ZBTB7C: variants seen among roughly 807,000 people sequenced by gnomAD.
ZBTB7C encodes the protein zinc finger and BTB domain-containing protein 7C.
In ZBTB7C, 8 loss-of-function variants were observed where a neutral mutation model predicts 25.7. The observed-to-expected ratio is 0.31, with a 90% CI of 0.18 to 0.56. The LOEUF (loss-of-function observed/expected upper bound fraction) is 0.56, where lower values mean the gene tolerates loss of function less well. ZBTB7C is among the 20% of genes least tolerant of loss of function. The pLI, the probability that ZBTB7C is intolerant of heterozygous loss-of-function variation, is 0.91. For missense variants in ZBTB7C, 824 were observed against 855.2 expected, an observed-to-expected ratio of 0.96 and a Z score of 0.46; for synonymous variants, 394 against 369.0, an observed-to-expected ratio of 1.07 and a Z score of -0.78.
intron 3 of ZBTB7C, among the ~76,000 whole-genome samples, chr18:48,066,352 G>C (rs1249816062): frequency 6.6e-6 from 1 of 152,218 alleles, no homozygotes; most frequent in African/African-American, 2.4e-5. Flanking sequence ...CCAAGCCCTG[G>C]GGGGGCGGAG....
At chr18:48,386,930 A>G (rs2047762169) in intron 1 of ZBTB7C, among the ~76,000 whole-genome samples, 1 of 152,100 alleles carries the variant, frequency 6.6e-6, no homozygotes, top group African/African-American at 2.4e-5. Context: ...GCATGCAGCT[A>G]CTCTGTTGTC....
At chr18:48,066,048 G>A (rs890320822) in intron 3 of ZBTB7C, among the ~76,000 whole-genome samples, 3 of 152,224 alleles carry the variant, frequency 2.0e-5, no homozygotes, top group Non-Finnish European at 4.4e-5. Flanking sequence ...CCCATTTGGA[G>A]GTCTTCTGTC....
chr18:48,386,747 T>C (rs2047758139), intron 1 of ZBTB7C, among the ~76,000 whole-genome samples: 1 of 152,212 alleles, frequency 6.6e-6, no homozygotes, highest in African/African-American at 2.4e-5. Context: ...CAACCTAAGA[T>C]AATTGAAAGG....
chr18:48,135,453 C>A (rs538440538), intron 3 of ZBTB7C, among the ~76,000 whole-genome samples: 1 of 152,156 alleles, frequency 6.6e-6, no homozygotes. Flanking sequence ...ATGTATTTAA[C>A]CCATTTGGGC....
In ZBTB7C at chr18:48,312,455, G is replaced by A. The variant is rs112231557; in HGVS notation, c.-79+25719C>T. On this transcript the variant is annotated intron_variant, in intron 2 of 4. Coordinates refer to ENST00000590800, the MANE Select transcript of ZBTB7C (RefSeq NM_001318841.2). ...ATCCAAGTAAAGACTCTTCTGTCATGGTTTTATGCTCATTGGCTCTTAATT... is the reference window on the plus strand; with the variant it reads ...ATCCAAGTAAAGACTCTTCTGTCATAGTTTTATGCTCATTGGCTCTTAATT... 1.8e-4 allele frequency among the ~76,000 whole-genome samples: 28 copies of A among 152,264 alleles called. 1 individual carries two copies. Among genetic ancestry groups the A allele is most frequent in the African/African-American group, 6.7e-4 (28 of 41,550 alleles).
chr18:48,040,320 T>G lies in ZBTB7C; in HGVS notation c.788A>C (p.Asp263Ala), dbSNP rs1202356042. 6.3e-7 allele frequency: 1 copy of G among 1,589,000 alleles called. No individual in the cohort carries two copies. ...PDFFPHLWPG[D>A]FGAFAQLPEQ... ...AGGCAGCTGGGCAAAGGCACCGAAG[T>G]CCCCTGGCCAGAGGTGTGGAAAGAA... The change falls in exon 4 of 5, where the codon GAC (aspartate) becomes GCC (alanine). Residue 263 changes from aspartate to alanine, a missense_variant. Physicochemically the swap from Asp to Ala is moderately radical, Grantham distance 126 (BLOSUM62 -2). Around this residue, in one of 4 missense-constraint regions of ZBTB7C, gnomAD observed 316 missense variants for 299.2 expected, o/e 1.06. Transcript: ENST00000590800.
At chr18:48,066,127 T>C (rs2037319778) in intron 3 of ZBTB7C, among the ~76,000 whole-genome samples, 1 of 152,238 alleles carries the variant, frequency 6.6e-6, no homozygotes, top group Admixed American at 6.5e-5. Context: ...TCGGCTTCCA[T>C]GCTGTTCATC....
chr18:48,353,544 T>C (rs566326184), intron 1 of ZBTB7C, among the ~76,000 whole-genome samples: 11 of 152,196 alleles, frequency 7.2e-5, no homozygotes, highest in African/African-American at 9.6e-5. Context: ...GCTCAGCCTC[T>C]TATCCATTGT....
chr18:48,070,740 T>C (rs1598821448), intron 3 of ZBTB7C, among the ~76,000 whole-genome samples: 1 of 152,178 alleles, frequency 6.6e-6, no homozygotes, highest in Non-Finnish European at 1.5e-5. Flanking sequence ...AGTGCAAACA[T>C]GCCATTCTTT....
At chr18:48,177,057 A>G (rs1246352837) in intron 3 of ZBTB7C, among the ~76,000 whole-genome samples, 1 of 152,270 alleles carries the variant, frequency 6.6e-6, no homozygotes, top group Non-Finnish European at 1.5e-5. Context: ...CTGGACATCT[A>G]CGGGAACTAT....
intron 2 of ZBTB7C, among the ~76,000 whole-genome samples, chr18:48,246,502 A>G (rs1158938547): frequency 6.6e-6 from 1 of 151,782 alleles, no homozygotes; most frequent in African/African-American, 2.4e-5. Flanking sequence ...ATAATTGTAT[A>G]CACCTGTTAC....
At chr18:48,139,715 C>A (rs570935658) in intron 3 of ZBTB7C, among the ~76,000 whole-genome samples, 1 of 152,138 alleles carries the variant, frequency 6.6e-6, no homozygotes, top group East Asian at 1.9e-4. Flanking sequence ...ACCCCTCCAG[C>A]CTCCCTCGGT....
intron 3 of ZBTB7C, among the ~76,000 whole-genome samples, chr18:48,112,688 T>C (rs2039290405): frequency 6.6e-6 from 1 of 152,168 alleles, no homozygotes; most frequent in African/African-American, 2.4e-5. Context: ...TTATGTGGGC[T>C]TTTTCCATCA....
chr18:48,210,602 C>T (rs2042680263), intron 2 of ZBTB7C, among the ~76,000 whole-genome samples: 2 of 152,162 alleles, frequency 1.3e-5, no homozygotes, highest in Admixed American at 1.3e-4. Context: ...ATTACATGTC[C>T]AGCAAAGGCA....
At chr18:48,368,040 G>A (rs1438691088) in intron 1 of ZBTB7C, among the ~76,000 whole-genome samples, 1 of 151,662 alleles carries the variant, frequency 6.6e-6, no homozygotes, top group Admixed American at 6.6e-5. Context: ...AAAATCTCCA[G>A]GTTTCAATCA....
chr18:48,281,735 G>C (rs1255669963), intron 2 of ZBTB7C, among the ~76,000 whole-genome samples: 303 of 152,002 alleles, frequency 2.0e-3, no homozygotes, highest in African/African-American at 6.9e-3. Flanking sequence ...GGCCATCAGA[G>C]AAATGCAAAT....
At chr18:48,402,695 G>A (rs2048187585) in intron 1 of ZBTB7C, among the ~76,000 whole-genome samples, 1 of 152,112 alleles carries the variant, frequency 6.6e-6, no homozygotes, top group Non-Finnish European at 1.5e-5. Context: ...AACAGTTTTG[G>A]AAAACAATGT....
chr18:48,383,150 C>T (rs1214470378), intron 1 of ZBTB7C, among the ~76,000 whole-genome samples: 5 of 152,178 alleles, frequency 3.3e-5, no homozygotes, highest in African/African-American at 1.2e-4. Context: ...AACCCACCAG[C>T]CTACTGGCCT....
chr18:48,264,051 C>T (rs562005964), intron 2 of ZBTB7C, among the ~76,000 whole-genome samples: 1 of 152,246 alleles, frequency 6.6e-6, no homozygotes, highest in Admixed American at 6.5e-5. Flanking sequence ...ACCTAGTAAT[C>T]CCACTGTTGG....
Sources: gnomAD v4.1 joint callset for allele counts (sites outside exome capture counted in the v4.1 genomes callset) on GRCh38, gnomAD v4.1.1 for gene constraint, gnomAD v4.1.1 regional missense constraint, MANE v1.5 for transcripts, NCBI Gene and HGNC (gene_info 2026-07-23, HGNC 2026-07-21) for gene names.